JAK2: variants seen among roughly 807,000 people sequenced by gnomAD.
The protein encoded by JAK2 is Janus kinase 2.
A neutral mutation model predicts 139.3 loss-of-function variants in JAK2; 86 were observed. That is an observed-to-expected ratio of 0.62 (90% CI 0.52 to 0.74). The LOEUF is 0.74. JAK2 is among the 30% of genes least tolerant of loss of function. The pLI, the probability that JAK2 is intolerant of heterozygous loss-of-function variation, is 0.00. For synonymous variants in JAK2, 490 were observed against 437.7 expected (o/e 1.12, Z -1.49); for missense variants, 1,421 against 1,360.3 (o/e 1.04, Z -0.70).
intron 2 of JAK2, among the ~76,000 whole-genome samples, chr9:4,986,376 G>A (rs7868678): frequency 0.12 from 17,857 of 152,196 alleles, 2,521 homozygotes; most frequent in African/African-American, 0.34. Flanking sequence ...GGGAGAACAC[G>A]TTAGCTATTC....
intron 14 of JAK2, among the ~76,000 whole-genome samples, chr9:5,076,293 A>G (rs575681792): frequency 1.3e-5 from 2 of 152,300 alleles, no homozygotes; most frequent in East Asian, 1.9e-4. Context: ...GTAGAAGGCT[A>G]TCAAACAGCA....
intron 19 of JAK2, among the ~76,000 whole-genome samples, chr9:5,084,178 C>A (rs1819912797): frequency 6.6e-6 from 1 of 152,008 alleles, no homozygotes; most frequent in Non-Finnish European, 1.5e-5. Context: ...AAATATATTT[C>A]TTAGTAATTT....
chr9:5,056,735 A>G (rs1339051553), intron 8 of JAK2, among the ~76,000 whole-genome samples: 2 of 152,180 alleles, frequency 1.3e-5, no homozygotes, highest in African/African-American at 4.8e-5. Context: ...ATCAACCTCA[A>G]TGTGGATATA....
chr9:5,101,661 C>G (rs1035863062), intron 22 of JAK2, among the ~76,000 whole-genome samples: 5 of 152,202 alleles, frequency 3.3e-5, no homozygotes, highest in African/African-American at 1.2e-4. Context: ...GGGTGCCTGT[C>G]TGGGACGAAG....
chr9:5,124,872 T>G (rs943855083), intron 23 of JAK2, among the ~76,000 whole-genome samples: 7 of 151,606 alleles, frequency 4.6e-5, no homozygotes, highest in Non-Finnish European at 1.0e-4. Context: ...CTTTAGAGCT[T>G]TTATTGCTTA....
In JAK2 at chr9:5,067,786, A is replaced by C. The variant is rs182814836; in HGVS notation, c.1326+997A>C. Among the ~76,000 whole-genome samples the C allele has an allele frequency of 5.1e-3, 773 of 152,294 alleles. 4 individuals carry two copies. Among genetic ancestry groups the C allele is most frequent in the Non-Finnish European group, 7.7e-3 (523 of 68,034 alleles). On this transcript the variant is annotated intron_variant, in intron 10 of 24. Transcript: ENST00000381652. The stretch of plus-strand genomic sequence containing the variant: ...GACAAACAAAAATTTTCAAATATAC[A>C]AAAAATTCTAAATCGAACATTGTAA...
At position 4,986,751 on chromosome 9, in the gene JAK2, G is replaced by C. The variant is rs147142334; in HGVS notation, c.-26+729G>C. On this transcript the variant is annotated intron_variant, in intron 2 of 24. Coordinates refer to ENST00000381652, the MANE Select transcript of JAK2 (RefSeq NM_004972.4). ...CAGACATCTTGAGGATGGGACCCAA[G>C]TGTAAATACGAAATTCGTTTGTTTC... 4.5e-3 allele frequency among the ~76,000 whole-genome samples: 688 copies of C among 152,284 alleles called. 6 individuals carry two copies. The highest frequency in any genetic ancestry group is 0.016 in the African/African-American group (644 of 41,542).
intron 2 of JAK2, among the ~76,000 whole-genome samples, chr9:4,990,904 A>G (rs1820205020): frequency 6.6e-6 from 1 of 152,154 alleles, no homozygotes; most frequent in Non-Finnish European, 1.5e-5. Flanking sequence ...AGGACTAAGG[A>G]TGAGAATTTT....
intron 9 of JAK2, among the ~76,000 whole-genome samples, chr9:5,066,452 T>C (rs1350301994): frequency 6.6e-6 from 1 of 152,086 alleles, no homozygotes; most frequent in African/African-American, 2.4e-5. Flanking sequence ...TAAATACCTT[T>C]TATTGGTTTT....
chr9:5,041,333 TTG>T, intron 4 of JAK2: 1 of 702,436 alleles, frequency 1.4e-6, no homozygotes, highest in Non-Finnish European at 2.5e-6. Flanking sequence ...GCACAAGAGC[TTG>T]ACAGGTACGG....
chr9:5,105,268 GACAA>G (rs1337418168), intron 22 of JAK2, among the ~76,000 whole-genome samples: 1 of 152,104 alleles, frequency 6.6e-6, no homozygotes, highest in Non-Finnish European at 1.5e-5. Flanking sequence ...ACCCATAACA[GACAA>G]ACATACAGCC....
intron 8 of JAK2, 136 bp downstream of exon 8, chr9:5,055,924 C>T (rs1817733541): frequency 1.4e-6 from 1 of 719,176 alleles, no homozygotes; most frequent in Admixed American, 3.0e-5. Context: ...AACATCAGTT[C>T]AGTAAACTTT....
intron 19 of JAK2, among the ~76,000 whole-genome samples, chr9:5,083,541 C>A (rs1374314011): frequency 3.9e-5 from 6 of 152,180 alleles, no homozygotes; most frequent in Non-Finnish European, 8.8e-5. Context: ...AACTTAATCA[C>A]AGTCTTCTGT....
At chr9:5,111,791 T>G in intron 22 of JAK2, 1 of 422,820 alleles carries the variant, frequency 2.4e-6, no homozygotes, top group Admixed American at 2.7e-5. Flanking sequence ...CACCTTCTCC[T>G]TGGCCCCCGG....
chr9:5,004,013 T>C (rs1466795483), intron 2 of JAK2, among the ~76,000 whole-genome samples: 1 of 152,142 alleles, frequency 6.6e-6, no homozygotes, highest in African/African-American at 2.4e-5. Flanking sequence ...AAAAATTTTT[T>C]TCTAAATTAC....
chr9:5,025,795 G>A (rs776424027), intron 3 of JAK2, among the ~76,000 whole-genome samples: 25 of 152,096 alleles, frequency 1.6e-4, no homozygotes, highest in Non-Finnish European at 3.5e-4. Context: ...GCCTCTCAAA[G>A]TGTGTGAGCC....
intron 5 of JAK2, among the ~76,000 whole-genome samples, chr9:5,048,793 T>C (rs1208745493): frequency 2.6e-5 from 4 of 152,208 alleles, no homozygotes; most frequent in Middle Eastern, 3.2e-3. Context: ...TTTAATTTCA[T>C]GAGACAAGTT....
At chr9:5,036,649 G>A (rs1303962615) in intron 4 of JAK2, among the ~76,000 whole-genome samples, 1 of 152,152 alleles carries the variant, frequency 6.6e-6, no homozygotes, top group African/African-American at 2.4e-5. Context: ...TGGGAAAACT[G>A]GCTAGCCATG....
intron 2 of JAK2, among the ~76,000 whole-genome samples, chr9:5,012,079 CTGACTCCCAT>C (rs1300022692): frequency 6.6e-6 from 1 of 152,224 alleles, no homozygotes; most frequent in Non-Finnish European, 1.5e-5. Flanking sequence ...TCAGGCCCCA[CTGACTCCCAT>C]TTTCCTGAGA....
Sources: allele counts gnomAD v4.1 joint callset (sites outside exome capture counted in the v4.1 genomes callset), GRCh38; gene constraint gnomAD v4.1.1; transcripts MANE v1.5; gene names NCBI Gene and HGNC (gene_info 2026-07-23, HGNC 2026-07-21).